The following SCHIP1 variants were observed in gnomAD, a reference collection of about 807,000 sequenced individuals.
The protein encoded by SCHIP1 is schwannomin interacting protein 1.
In SCHIP1, 8 loss-of-function variants were observed where a neutral mutation model predicts 29.7. The observed-to-expected ratio is 0.27, with a 90% CI of 0.16 to 0.49. SCHIP1 has a LOEUF of 0.49. SCHIP1 is among the 20% of genes least tolerant of loss of function. The pLI, the probability that SCHIP1 is intolerant of heterozygous loss-of-function variation, is 0.99. For missense variants in SCHIP1, 193 were observed against 294.6 expected (o/e 0.66, Z 2.52); for synonymous variants, 76 against 94.9 (o/e 0.80, Z 1.16).
At chr3:159,354,001 T>C in the SCHIP1 span, among the ~76,000 whole-genome samples, 1 of 152,200 alleles carries the variant, frequency 6.6e-6, no homozygotes, top group Non-Finnish European at 1.5e-5. Context: ...TTACAAATTG[T>C]TTCATTTCCT....
At chr3:159,499,263 T>A in the SCHIP1 span, among the ~76,000 whole-genome samples, 1 of 152,224 alleles carries the variant, frequency 6.6e-6, no homozygotes, top group Non-Finnish European at 1.5e-5. Flanking sequence ...GCCTGAGTCA[T>A]GGGCCATCAC....
At chr3:159,607,616 A>G in the SCHIP1 span, among the ~76,000 whole-genome samples, 1 of 152,148 alleles carries the variant, frequency 6.6e-6, no homozygotes, top group Admixed American at 6.6e-5. Flanking sequence ...AATATGAAAG[A>G]AACTGAGTTT....
chr3:159,633,219 C>A, the SCHIP1 span, among the ~76,000 whole-genome samples: 2 of 152,370 alleles, frequency 1.3e-5, no homozygotes, highest in East Asian at 3.9e-4. Context: ...TGAGATATCA[C>A]ACTTTCTACT....
chr3:159,442,007 A>C, the SCHIP1 span, among the ~76,000 whole-genome samples: 3 of 152,256 alleles, frequency 2.0e-5, no homozygotes, highest in African/African-American at 7.2e-5. Flanking sequence ...GAAGGAGAAA[A>C]ATAATCTTTG....
chr3:159,828,459 A>ATG, the SCHIP1 span, among the ~76,000 whole-genome samples: 4 of 132,300 alleles, frequency 3.0e-5, no homozygotes, highest in African/African-American at 9.5e-5. Flanking sequence ...ATACGTATAT[A>ATG]TATGTATATA....
chr3:159,693,913 G>A, the SCHIP1 span, among the ~76,000 whole-genome samples: 1 of 152,152 alleles, frequency 6.6e-6, no homozygotes, highest in Non-Finnish European at 1.5e-5. Flanking sequence ...CGTGTGTCGT[G>A]AAGATCAGTG....
chr3:159,531,772 G>A, the SCHIP1 span, among the ~76,000 whole-genome samples: 12 of 152,246 alleles, frequency 7.9e-5, no homozygotes, highest in South Asian at 4.1e-4. Flanking sequence ...TTAACCAAAC[G>A]TTAGATAAGT....
the SCHIP1 span, among the ~76,000 whole-genome samples, chr3:159,475,771 C>A: frequency 6.6e-6 from 1 of 152,076 alleles, no homozygotes; most frequent in Admixed American, 6.6e-5. Context: ...CAAAAATTTT[C>A]TTCCATTAGC....
chr3:159,482,171 G>T, the SCHIP1 span, among the ~76,000 whole-genome samples: 2 of 152,120 alleles, frequency 1.3e-5, no homozygotes, highest in African/African-American at 2.4e-5. Flanking sequence ...CTTGAGAAAG[G>T]TATGTTGGGA....
the SCHIP1 span, among the ~76,000 whole-genome samples, chr3:159,642,826 AG>A: frequency 6.6e-6 from 1 of 152,108 alleles, no homozygotes; most frequent in Non-Finnish European, 1.5e-5. Flanking sequence ...TATGAGTACA[AG>A]GACTCAGAGA....
chr3:159,694,580 GAAAGAAAGAA>G, the SCHIP1 span, among the ~76,000 whole-genome samples: 1 of 149,394 alleles, frequency 6.7e-6, no homozygotes, highest in Non-Finnish European at 1.5e-5. Context: ...AAGAAAGAAA[GAAAGAAAGAA>G]AGAAAGAAAG....
chr3:159,349,763 G>C, the SCHIP1 span, among the ~76,000 whole-genome samples: 1 of 151,984 alleles, frequency 6.6e-6, no homozygotes, highest in Admixed American at 6.6e-5. Flanking sequence ...TTCGGGTCGG[G>C]GTTTGCATCT....
At chr3:159,663,798 G>A in the SCHIP1 span, among the ~76,000 whole-genome samples, 2 of 152,090 alleles carry the variant, frequency 1.3e-5, no homozygotes, top group African/African-American at 4.8e-5. Flanking sequence ...TAATTGTATT[G>A]TAACAGGAGG....
chr3:159,591,152 C>T, the SCHIP1 span, among the ~76,000 whole-genome samples: 40 of 152,292 alleles, frequency 2.6e-4, 2 homozygotes, highest in African/African-American at 9.4e-4. Flanking sequence ...TAGAGCCTGA[C>T]CTAGTATTTG....
the SCHIP1 span, among the ~76,000 whole-genome samples, chr3:159,312,349 A>G: frequency 6.6e-6 from 1 of 152,176 alleles, no homozygotes. Flanking sequence ...TAACCTAGGC[A>G]GACAAAGGTT....
At chr3:159,526,952 G>A in the SCHIP1 span, among the ~76,000 whole-genome samples, 1,724 of 152,306 alleles carry the variant, frequency 0.011, 25 homozygotes, top group Non-Finnish European at 0.016. Context: ...ACAAAAGGTC[G>A]CTTTTCCAGT....
the SCHIP1 span, among the ~76,000 whole-genome samples, chr3:159,819,616 A>G: frequency 6.6e-6 from 1 of 152,244 alleles, no homozygotes; most frequent in Non-Finnish European, 1.5e-5. Context: ...AGTTAAAAAA[A>G]CATTTCCCCT....
the SCHIP1 span, among the ~76,000 whole-genome samples, chr3:159,740,773 A>AAAAAC: frequency 1.4e-5 from 2 of 143,982 alleles, no homozygotes; most frequent in East Asian, 5.0e-4. Context: ...AAAAAAAAGA[A>AAAAAC]AAAAAAAAAA....
the SCHIP1 span, among the ~76,000 whole-genome samples, chr3:159,427,828 T>TA: frequency 2.0e-5 from 3 of 152,134 alleles, no homozygotes; most frequent in Non-Finnish European, 4.4e-5. Flanking sequence ...AACAGCATGG[T>TA]ACTGGTACCA....
Sources: gnomAD v4.1 joint callset for allele counts (sites outside exome capture counted in the v4.1 genomes callset) on GRCh38, gnomAD v4.1.1 for gene constraint, MANE v1.5 for transcripts, NCBI Gene and HGNC (gene_info 2026-07-23, HGNC 2026-07-21) for gene names.